Variants in SLC24A2 observed in about 807,000 individuals in gnomAD.
The protein encoded by SLC24A2 is solute carrier family 24 member 2, also known as sodium/potassium/calcium exchanger 2.
SLC24A2 carries 36 observed loss-of-function variants against 62.0 expected under a neutral mutation model. The ratio of observed to expected loss-of-function variants is 0.58; its 90% CI spans 0.44 to 0.77. SLC24A2 has a LOEUF of 0.77. Ranked by LOEUF, SLC24A2 falls within the 30% of genes least tolerant of loss-of-function variation. SLC24A2 has a pLI of 0.00. For synonymous variants in SLC24A2, 358 were observed against 294.0 expected, an observed-to-expected ratio of 1.22 and a Z score of -2.23; for missense variants, 846 against 817.9, an observed-to-expected ratio of 1.03 and a Z score of -0.42.
At chr9:19,720,467 T>C (rs1014326355) in intron 2 of SLC24A2, among the ~76,000 whole-genome samples, 3 of 152,134 alleles carry the variant, frequency 2.0e-5, no homozygotes, top group African/African-American at 4.8e-5. Flanking sequence ...TGAGACACCA[T>C]GGTCTGAAAA....
At position 19,618,692 on chromosome 9, in the gene SLC24A2, C is replaced by T. The variant is rs533216832; in HGVS notation, c.1078+892G>A. Among the ~76,000 whole-genome samples, 13 of 152,258 alleles carry T rather than the reference C, an allele frequency of 8.5e-5. No homozygotes were observed. The East Asian group carries it at 2.5e-3, about 29-fold the overall frequency. ...GATCTCTGATTCATACAACATGATT[C>T]GACAATCAGATCCCCTGGCTTCATT... On this transcript the variant is annotated intron_variant, in intron 4 of 10. Coordinates refer to ENST00000341998, the MANE Select transcript of SLC24A2 (RefSeq NM_020344.4).
the SLC24A2 span, among the ~76,000 whole-genome samples, chr9:20,256,876 G>A: frequency 6.6e-6 from 1 of 151,502 alleles, no homozygotes; most frequent in African/African-American, 2.4e-5. Context: ...AGGGTAGAAA[G>A]AAAGGAAACC....
chr9:20,080,297 G>A, the SLC24A2 span, among the ~76,000 whole-genome samples: 1 of 152,228 alleles, frequency 6.6e-6, no homozygotes, highest in Non-Finnish European at 1.5e-5. Flanking sequence ...CAATGGAACA[G>A]AACAGAGTGC....
intron 4 of SLC24A2, among the ~76,000 whole-genome samples, chr9:19,601,653 T>C (rs1836844533): frequency 6.6e-6 from 1 of 152,148 alleles, no homozygotes. Flanking sequence ...TAGAATATTT[T>C]TTTTTTTCCT....
chr9:20,261,620 C>T, the SLC24A2 span, among the ~76,000 whole-genome samples: 11 of 151,778 alleles, frequency 7.2e-5, no homozygotes, highest in Admixed American at 1.3e-4. Context: ...TTGGGGGATG[C>T]ATTTAAACCA....
At chr9:19,706,065 T>A (rs1255136764) in intron 2 of SLC24A2, among the ~76,000 whole-genome samples, 1 of 152,100 alleles carries the variant, frequency 6.6e-6, no homozygotes, top group Admixed American at 6.5e-5. Context: ...TGTGTGGGAG[T>A]CCAAGTCTCT....
At chr9:20,272,452 G>A in the SLC24A2 span, among the ~76,000 whole-genome samples, 1 of 152,116 alleles carries the variant, frequency 6.6e-6, no homozygotes, top group Admixed American at 6.6e-5. Context: ...AATGTAAGCT[G>A]AGTACTAGGT....
At chr9:19,524,364 T>C (rs1474440968) in intron 9 of SLC24A2, among the ~76,000 whole-genome samples, 1 of 144,628 alleles carries the variant, frequency 6.9e-6, no homozygotes, top group African/African-American at 2.6e-5. Context: ...CCATTAAATT[T>C]ATTAAAGTGC....
chr9:20,108,037 A>T, the SLC24A2 span, among the ~76,000 whole-genome samples: 1 of 152,252 alleles, frequency 6.6e-6, no homozygotes, highest in African/African-American at 2.4e-5. Context: ...AAGTGGTTGA[A>T]GGACATGAAC....
chr9:20,076,966 C>A, the SLC24A2 span, among the ~76,000 whole-genome samples: 1 of 147,684 alleles, frequency 6.8e-6, no homozygotes, highest in Non-Finnish European at 1.5e-5. Flanking sequence ...TATTATTCAG[C>A]CTTAAAAAGG....
chr9:20,201,867 G>C, the SLC24A2 span, among the ~76,000 whole-genome samples: 1 of 152,096 alleles, frequency 6.6e-6, no homozygotes, highest in Non-Finnish European at 1.5e-5. Context: ...CAAAAACGTG[G>C]CAATTAGGGT....
At chr9:20,281,872 A>T in the SLC24A2 span, among the ~76,000 whole-genome samples, 2 of 152,204 alleles carry the variant, frequency 1.3e-5, no homozygotes, top group African/African-American at 4.8e-5. Flanking sequence ...AATATGAACA[A>T]CGTACATTTA....
At chr9:20,013,290 C>A in the SLC24A2 span, among the ~76,000 whole-genome samples, 1 of 151,914 alleles carries the variant, frequency 6.6e-6, no homozygotes, top group African/African-American at 2.4e-5. Context: ...CAAAAAGTTT[C>A]CAAGGACACA....
At chr9:19,559,849 C>T (rs1835304583) in intron 7 of SLC24A2, among the ~76,000 whole-genome samples, 2 of 152,188 alleles carry the variant, frequency 1.3e-5, no homozygotes, top group Non-Finnish European at 2.9e-5. Context: ...ATACTAATGA[C>T]CTTCCTTATG....
At chr9:20,093,095 G>A in the SLC24A2 span, among the ~76,000 whole-genome samples, 35 of 150,948 alleles carry the variant, frequency 2.3e-4, no homozygotes, top group Middle Eastern at 3.4e-3. Flanking sequence ...TTTTTAGACC[G>A]AGTTTCGATC....
chr9:19,524,863 T>A (rs900191543), intron 9 of SLC24A2, among the ~76,000 whole-genome samples: 1 of 152,184 alleles, frequency 6.6e-6, no homozygotes, highest in Admixed American at 6.5e-5. Context: ...GAACCCTGCA[T>A]GATGTTTTAT....
At chr9:19,963,841 C>A in the SLC24A2 span, among the ~76,000 whole-genome samples, 1 of 152,108 alleles carries the variant, frequency 6.6e-6, no homozygotes, top group African/African-American at 2.4e-5. Context: ...ACTAGAAATA[C>A]CATTTGACCC....
At chr9:20,068,243 T>C in the SLC24A2 span, among the ~76,000 whole-genome samples, 1 of 152,002 alleles carries the variant, frequency 6.6e-6, no homozygotes, top group African/African-American at 2.4e-5. Flanking sequence ...TCTGTATTTT[T>C]AGTAGAGACG....
the SLC24A2 span, among the ~76,000 whole-genome samples, chr9:20,158,213 G>A: frequency 6.6e-6 from 1 of 151,672 alleles, no homozygotes; most frequent in Non-Finnish European, 1.5e-5. Flanking sequence ...TCTCATAAAT[G>A]AAGGATGAAT....
Sources: gnomAD v4.1 joint callset for allele counts (sites outside exome capture counted in the v4.1 genomes callset) on GRCh38, gnomAD v4.1.1 for gene constraint, MANE v1.5 for transcripts, NCBI Gene and HGNC (gene_info 2026-07-23, HGNC 2026-07-21) for gene names.